UNC13C: variants seen among roughly 807,000 people sequenced by gnomAD.
UNC13C encodes the protein protein unc-13 homolog C.
A neutral mutation model predicts 245.4 loss-of-function variants in UNC13C; 174 were observed. That is an observed-to-expected ratio of 0.71 (90% CI 0.63 to 0.80). The LOEUF (loss-of-function observed/expected upper bound fraction) is 0.80, where lower values mean the gene tolerates loss of function less well. UNC13C is among the 30% of genes least tolerant of loss of function. The pLI, the probability that UNC13C is intolerant of heterozygous loss-of-function variation, is 0.00. For synonymous variants in UNC13C, 992 were observed against 895.1 expected, an observed-to-expected ratio of 1.11 and a Z score of -1.93; for missense variants, 2,829 against 2,602.9, an observed-to-expected ratio of 1.09 and a Z score of -1.89.
At chr15:54,616,341 C>T (rs758682495) in intron 30 of UNC13C, among the ~76,000 whole-genome samples, 28 of 151,992 alleles carry the variant, frequency 1.8e-4, no homozygotes, top group Non-Finnish European at 3.4e-4. Context: ...GTCAGTGATA[C>T]ACTGCATTTC....
the UNC13C span, among the ~76,000 whole-genome samples, chr15:53,927,003 T>C: frequency 6.6e-6 from 1 of 152,354 alleles, no homozygotes; most frequent in South Asian, 2.1e-4. Context: ...AGCAGATAGA[T>C]TGTCATCCAT....
At chr15:54,253,329 T>C (rs2036200815) in intron 8 of UNC13C, among the ~76,000 whole-genome samples, 1 of 152,202 alleles carries the variant, frequency 6.6e-6, no homozygotes, top group Non-Finnish European at 1.5e-5. Flanking sequence ...CATGGAAATG[T>C]CCAGTCAATT....
At chr15:54,185,846 T>C (rs1183273724) in intron 4 of UNC13C, among the ~76,000 whole-genome samples, 1 of 151,104 alleles carries the variant, frequency 6.6e-6, no homozygotes, top group Admixed American at 6.6e-5. Flanking sequence ...ATTGAATCTA[T>C]AAATTACCTT....
chr15:54,168,021 C>A (rs1002602509), intron 4 of UNC13C, among the ~76,000 whole-genome samples: 11 of 152,108 alleles, frequency 7.2e-5, no homozygotes, highest in African/African-American at 2.4e-4. Context: ...AAAGGGAGAA[C>A]TATCCTTTGG....
chr15:54,214,695 A>G (rs1032361407), intron 4 of UNC13C, among the ~76,000 whole-genome samples: 3 of 151,926 alleles, frequency 2.0e-5, no homozygotes, highest in African/African-American at 7.3e-5. Context: ...CTACTTAATG[A>G]CTTTAAAGTA....
At chr15:54,567,168 T>G (rs2141215635) in intron 29 of UNC13C, among the ~76,000 whole-genome samples, 1 of 152,154 alleles carries the variant, frequency 6.6e-6, no homozygotes, top group Non-Finnish European at 1.5e-5. Context: ...CTCTATTATC[T>G]TATTTATAAA....
chr15:53,956,903 T>TGTGTGTGTGTGTGTGC, the UNC13C span, among the ~76,000 whole-genome samples: 2 of 151,646 alleles, frequency 1.3e-5, no homozygotes, highest in Non-Finnish European at 2.9e-5. Context: ...TGTGTGTGTG[T>TGTGTGTGTGTGTGTGC]GTGCATGCAC....
intron 28 of UNC13C, among the ~76,000 whole-genome samples, chr15:54,552,468 CAATATATAATATAATTATATATTATAT>C (rs1566904533): frequency 8.7e-4 from 1 of 1,152 alleles, no homozygotes; most frequent in African/African-American, 3.8e-3. Context: ...TTATATATTA[CAATATATAATATAATTATATATTATAT>C]TATATATAAT....
chr15:54,106,538 T>G (rs1398488390), intron 2 of UNC13C, among the ~76,000 whole-genome samples: 2 of 152,210 alleles, frequency 1.3e-5, no homozygotes, highest in Non-Finnish European at 2.9e-5. Context: ...ATACACATCC[T>G]TGTTCTCTTA....
At chr15:54,474,542 T>C (rs1255883600) in intron 19 of UNC13C, among the ~76,000 whole-genome samples, 2 of 152,118 alleles carry the variant, frequency 1.3e-5, no homozygotes, top group South Asian at 2.1e-4. Context: ...TTGTTTGTTT[T>C]GTTTTGCTGT....
At chr15:54,531,057 G>A (rs532656301) in intron 25 of UNC13C, among the ~76,000 whole-genome samples, 18 of 152,240 alleles carry the variant, frequency 1.2e-4, no homozygotes, top group Admixed American at 8.5e-4. Context: ...TGGCATTTTC[G>A]GAAGTAATAA....
chr15:54,075,257 G>A (rs566451674), intron 2 of UNC13C, among the ~76,000 whole-genome samples: 14 of 152,030 alleles, frequency 9.2e-5, no homozygotes, highest in Admixed American at 2.0e-4. Flanking sequence ...AGGCCGAGGC[G>A]GGCGGATCAC....
At chr15:54,419,042 A>C (rs533483516) in intron 19 of UNC13C, among the ~76,000 whole-genome samples, 37 of 152,290 alleles carry the variant, frequency 2.4e-4, no homozygotes, top group African/African-American at 7.9e-4. Flanking sequence ...CTGTATAATT[A>C]ATCTAGAATC....
intron 4 of UNC13C, among the ~76,000 whole-genome samples, chr15:54,231,834 TTCA>T (rs1383941311): frequency 6.6e-6 from 1 of 152,108 alleles, no homozygotes; most frequent in Non-Finnish European, 1.5e-5. Context: ...TGACTTCTTG[TTCA>T]TCAAGTCTAG....
At chr15:54,153,045 G>GTGC (rs1348542425) in intron 4 of UNC13C, among the ~76,000 whole-genome samples, 1 of 152,026 alleles carries the variant, frequency 6.6e-6, no homozygotes, top group Non-Finnish European at 1.5e-5. Flanking sequence ...CTAAAAATGT[G>GTGC]TGCTGCTGCT....
At chr15:54,384,152 AC>A (rs2039786547) in intron 17 of UNC13C, among the ~76,000 whole-genome samples, 1 of 152,180 alleles carries the variant, frequency 6.6e-6, no homozygotes, top group South Asian at 2.1e-4. Flanking sequence ...GAAATATAAT[AC>A]ACAATTCTAA....
chr15:54,629,059 A>AGAT (rs1457702212), downstream of UNC13C: 2 of 152,192 alleles, frequency 1.3e-5, no homozygotes, highest in African/African-American at 2.4e-5. Flanking sequence ...ACAGTAGACC[A>AGAT]GATAAAGAAA....
At chr15:54,452,819 A>G (rs760485039) in intron 19 of UNC13C, among the ~76,000 whole-genome samples, 6 of 152,106 alleles carry the variant, frequency 3.9e-5, no homozygotes, top group Non-Finnish European at 8.8e-5. Context: ...GCAGCTGCCA[A>G]TGGAGCAGCC....
At chr15:54,007,355 C>A (rs889183687) in intron 1 of UNC13C, among the ~76,000 whole-genome samples, 2 of 152,120 alleles carry the variant, frequency 1.3e-5, no homozygotes, top group African/African-American at 4.8e-5. Flanking sequence ...GACATGGAAT[C>A]AACCCAAATG....
Sources: allele counts gnomAD v4.1 joint callset (sites outside exome capture counted in the v4.1 genomes callset), GRCh38; gene constraint gnomAD v4.1.1; transcripts MANE v1.5; gene names NCBI Gene and HGNC (gene_info 2026-07-23, HGNC 2026-07-21).